Variants in PDE4D observed in about 807,000 individuals in gnomAD.
PDE4D encodes the protein 3',5'-cyclic-AMP phosphodiesterase 4D.
Under a neutral mutation model 87.4 loss-of-function variants are expected in PDE4D, and 24 were observed. The observed-to-expected ratio is 0.27, with a 90% CI of 0.20 to 0.39. PDE4D has a LOEUF of 0.39. Among genes scored for constraint, PDE4D ranks in the 10% least tolerant of loss-of-function variants. The pLI is 1.00. For missense variants in PDE4D, 714 were observed against 1,041.0 expected (o/e 0.69, Z 4.32); for synonymous variants, 384 against 383.2 (o/e 1.00, Z -0.02).
chr5:59,759,778 AT>A (rs1761748686), intron 1 of PDE4D, among the ~76,000 whole-genome samples: 1 of 152,154 alleles, frequency 6.6e-6, no homozygotes, highest in African/African-American at 2.4e-5. Context: ...TTCTCAGATG[AT>A]TTCCCCCAGA....
intron 1 of PDE4D, among the ~76,000 whole-genome samples, chr5:60,324,831 T>C (rs765597067): frequency 5.3e-5 from 8 of 152,228 alleles, no homozygotes; most frequent in Non-Finnish European, 8.8e-5. Context: ...GGTTTCACCG[T>C]AGGATTTGTG....
intron 2 of PDE4D, among the ~76,000 whole-genome samples, chr5:60,179,771 T>C (rs1243269250): frequency 6.6e-6 from 1 of 152,160 alleles, no homozygotes; most frequent in Non-Finnish European, 1.5e-5. Flanking sequence ...ACATTTGCCA[T>C]TTCAATAGTG....
intron 6 of PDE4D, among the ~76,000 whole-genome samples, chr5:59,024,057 A>C (rs1755750525): frequency 6.6e-6 from 1 of 150,628 alleles, no homozygotes; most frequent in African/African-American, 2.4e-5. Context: ...ATGCACCACC[A>C]CACCTGGCTA....
chr5:59,928,640 C>T (rs888893224), intron 3 of PDE4D, among the ~76,000 whole-genome samples: 5 of 152,056 alleles, frequency 3.3e-5, no homozygotes, highest in African/African-American at 1.2e-4. Context: ...CCCCAGCCCC[C>T]TGGGTATCTA....
At chr5:60,259,145 C>T (rs1749389729) in intron 1 of PDE4D, among the ~76,000 whole-genome samples, 1 of 151,912 alleles carries the variant, frequency 6.6e-6, no homozygotes. Context: ...TTGAGTTCTT[C>T]CTATAATTAT....
chr5:59,518,193 T>TCGTG (rs35039897), intron 1 of PDE4D, among the ~76,000 whole-genome samples: 15,078 of 149,510 alleles, frequency 0.1, 845 homozygotes, highest in Non-Finnish European at 0.12. Context: ...ACTTGTGTGT[T>TCGTG]TGTGTGTGTG....
intron 2 of PDE4D, among the ~76,000 whole-genome samples, chr5:60,077,895 T>C (rs934358174): frequency 2.0e-5 from 3 of 152,154 alleles, no homozygotes; most frequent in African/African-American, 4.8e-5. Flanking sequence ...CCAGGAGTTC[T>C]TGGGGACCAG....
intron 4 of PDE4D, among the ~76,000 whole-genome samples, chr5:59,181,390 G>A (rs1434570386): frequency 2.0e-5 from 3 of 151,158 alleles, no homozygotes; most frequent in African/African-American, 2.4e-5. Flanking sequence ...CCAGTATTCC[G>A]TCAGTGCTTA....
intron 1 of PDE4D, among the ~76,000 whole-genome samples, chr5:59,263,957 C>A (rs886285863): frequency 1.3e-5 from 2 of 151,802 alleles, no homozygotes; most frequent in African/African-American, 4.8e-5. Context: ...TTTGCAACAT[C>A]CAAAAAGAGT....
chr5:59,936,857 A>G (rs1756639803), intron 3 of PDE4D, among the ~76,000 whole-genome samples: 1 of 152,234 alleles, frequency 6.6e-6, no homozygotes, highest in Non-Finnish European at 1.5e-5. Flanking sequence ...TGACAAAATA[A>G]AGATAAGAAT....
chr5:59,393,250 T>G (rs427740), intron 1 of PDE4D, among the ~76,000 whole-genome samples: 63,748 of 151,814 alleles, frequency 0.42, 13,670 homozygotes, highest in East Asian at 0.49. Context: ...AAAAAGGACT[T>G]TGAGATCAAT....
At chr5:60,072,247 C>G (rs776477354) in intron 2 of PDE4D, among the ~76,000 whole-genome samples, 3 of 152,026 alleles carry the variant, frequency 2.0e-5, no homozygotes, top group African/African-American at 4.8e-5. Context: ...GTGGTTTTGA[C>G]TTGCATTGCT....
intron 3 of PDE4D, among the ~76,000 whole-genome samples, chr5:59,974,345 T>C (rs1336883960): frequency 6.6e-6 from 1 of 152,168 alleles, no homozygotes; most frequent in Non-Finnish European, 1.5e-5. Context: ...GCTGGCAAAA[T>C]ATTAGAGTTA....
chr5:60,219,086 A>G (rs1044376795), intron 1 of PDE4D, among the ~76,000 whole-genome samples: 2 of 152,160 alleles, frequency 1.3e-5, no homozygotes, highest in Admixed American at 1.3e-4. Flanking sequence ...CTAATCATTA[A>G]AGTACAATAA....
At chr5:60,335,089 C>T (rs1045738566) in intron 1 of PDE4D, 2 of 152,232 alleles carry the variant, frequency 1.3e-5, no homozygotes, top group Non-Finnish European at 2.9e-5. Flanking sequence ...TACCCCAAAT[C>T]ATCTCCTTCC....
rs570513767 is a variant in PDE4D, at chr5:59,458,626, C to T, written c.456-242658G>A. On this transcript the variant is annotated intron_variant, in intron 1 of 14. Coordinates refer to ENST00000340635, the MANE Select transcript of PDE4D (RefSeq NM_001104631.2). ...TAACACATTTTGGGAATTAACTGTACGATTGGTTAAGCAAGGGGATAAAAA... is the reference window on the plus strand; with the variant it reads ...TAACACATTTTGGGAATTAACTGTATGATTGGTTAAGCAAGGGGATAAAAA... Among the ~76,000 whole-genome samples the T allele has an allele frequency of 9.9e-5, 15 of 152,264 alleles. No homozygotes were observed. The East Asian group carries it at 1.2e-3, about 12-fold the overall frequency.
chr5:59,649,932 T>TTTTTTTTTTTTTTTTTTTTTTTTTGA, intron 1 of PDE4D, among the ~76,000 whole-genome samples: 1 of 141,836 alleles, frequency 7.1e-6, no homozygotes, highest in Admixed American at 7.3e-5. Context: ...TTTTTTTTTT[T>TTTTTTTTTTTTTTTTTTTTTTTTTGA]AGCAATGACC....
intron 1 of PDE4D, among the ~76,000 whole-genome samples, chr5:59,716,130 C>T (rs957353989): frequency 6.6e-6 from 1 of 152,196 alleles, no homozygotes; most frequent in African/African-American, 2.4e-5. Flanking sequence ...AAGCAGACAT[C>T]CGGTCCAGCA....
chr5:59,159,819 G>A (rs1044113089), intron 5 of PDE4D, among the ~76,000 whole-genome samples: 1 of 152,112 alleles, frequency 6.6e-6, no homozygotes, highest in African/African-American at 2.4e-5. Flanking sequence ...GGAAAAAGCA[G>A]CAGCAGCTCA....
Sources: allele counts gnomAD v4.1 joint callset (sites outside exome capture counted in the v4.1 genomes callset), GRCh38; gene constraint gnomAD v4.1.1; transcripts MANE v1.5; gene names NCBI Gene and HGNC (gene_info 2026-07-23, HGNC 2026-07-21).